The following NHS variants were observed in gnomAD, a reference collection of about 807,000 sequenced individuals.
The protein encoded by NHS is actin remodeling regulator NHS.
NHS carries 5 observed loss-of-function variants against 72.5 expected under a neutral mutation model. The observed-to-expected ratio is 0.07, with a 90% CI of 0.04 to 0.14. NHS has a LOEUF of 0.14. Among genes scored for constraint, NHS ranks in the 10% least tolerant of loss-of-function variants. NHS has a pLI of 1.00. For synonymous variants in NHS, 464 were observed against 547.7 expected (o/e 0.85, Z 2.13); for missense variants, 1,072 against 1,355.7 (o/e 0.79, Z 3.29).
chrX:17,427,404 T>A (rs1569251892), intron 1 of NHS, among the ~76,000 whole-genome samples: 1 of 112,448 alleles, frequency 8.9e-6, no homozygotes, highest in African/African-American at 3.2e-5. Flanking sequence ...AATGTACACA[T>A]TGACATGCAC....
At chrX:17,411,780 C>T (rs1197802347) in intron 1 of NHS, among the ~76,000 whole-genome samples, 2 of 111,780 alleles carry the variant, frequency 1.8e-5, no homozygotes, top group African/African-American at 6.5e-5. Context: ...TTTCCTTTTC[C>T]TGGCTCCCTA....
intron 1 of NHS, among the ~76,000 whole-genome samples, chrX:17,638,017 G>C (rs1343316313): frequency 8.9e-6 from 1 of 111,793 alleles, no homozygotes; most frequent in African/African-American, 3.3e-5. Flanking sequence ...GGCTCCTGTT[G>C]CGTCTAGCTT....
chrX:17,491,925 T>C (rs1225506217), intron 1 of NHS, among the ~76,000 whole-genome samples: 1 of 110,818 alleles, frequency 9.0e-6, no homozygotes, highest in Non-Finnish European at 1.9e-5. Context: ...TGCATAGAAG[T>C]GTTTGTAGTA....
chrX:17,581,597 C>A (rs1652773057), intron 1 of NHS, among the ~76,000 whole-genome samples: 1 of 111,873 alleles, frequency 8.9e-6, no homozygotes, highest in South Asian at 3.8e-4. Flanking sequence ...GCTAATAATT[C>A]CAACAGAGTA....
chrX:17,578,651 G>A lies in NHS; in HGVS notation c.566-109091G>A, dbSNP rs777761467. The stretch of plus-strand genomic sequence containing the variant: ...ACAGCCATTAGCAACAAGAAGTAAG[G>A]CTGGACTGTTTTCTCACATATGGCA... On this transcript the variant is annotated intron_variant, in intron 1 of 8. Transcript: ENST00000676302. Among the ~76,000 whole-genome samples, 5 of 112,102 alleles carry A rather than the reference G, an allele frequency of 4.5e-5. No homozygotes were observed. In the South Asian group the frequency reaches 1.9e-3, roughly 42 times the overall value.
intron 1 of NHS, chrX:17,586,480 C>G (rs1411922581): frequency 8.9e-6 from 1 of 112,581 alleles, no homozygotes; most frequent in Non-Finnish European, 1.9e-5. Flanking sequence ...GAAAATGTAG[C>G]TGGGAACCCA....
intron 1 of NHS, among the ~76,000 whole-genome samples, chrX:17,428,539 C>T (rs1475775763): frequency 9.0e-6 from 1 of 111,590 alleles, no homozygotes; most frequent in Non-Finnish European, 1.9e-5. Flanking sequence ...TGGGCAATTT[C>T]CCTTTCTTTA....
intron 1 of NHS, among the ~76,000 whole-genome samples, chrX:17,581,973 T>C (rs2065546346): frequency 8.9e-6 from 1 of 111,777 alleles, no homozygotes; most frequent in African/African-American, 3.3e-5. Flanking sequence ...AGTTGTGCCA[T>C]TGGCTCTGCT....
intron 1 of NHS, chrX:17,635,321 G>T: frequency 9.2e-7 from 1 of 1,085,917 alleles, no homozygotes; most frequent in Non-Finnish European, 1.2e-6. Flanking sequence ...GAACCCTGGA[G>T]GGATTAGCAG....
At chrX:17,652,323 A>G (rs1334340637) in intron 1 of NHS, among the ~76,000 whole-genome samples, 4 of 112,927 alleles carry the variant, frequency 3.5e-5, no homozygotes, top group Non-Finnish European at 1.9e-5. Flanking sequence ...TGCAATAGCC[A>G]AGATATGAAA....
At chrX:17,718,666 GAAAGGAAGAAGGAAAGCAA>G (rs1403908024) in intron 3 of NHS, among the ~76,000 whole-genome samples, 7 of 94,607 alleles carry the variant, frequency 7.4e-5, no homozygotes, top group Non-Finnish European at 1.5e-4. Context: ...AGGGAAGTAG[GAAAGGAAGAAGGAAAGCAA>G]AAAGGAAGAA....
intron 1 of NHS, among the ~76,000 whole-genome samples, chrX:17,397,141 A>G (rs1423358213): frequency 8.9e-6 from 1 of 112,882 alleles, no homozygotes; most frequent in Admixed American, 9.3e-5. Context: ...TAGAGCCAGT[A>G]CACTTCCCTA....
In NHS at chrX:17,726,635, G is replaced by A; in HGVS notation, c.2529G>A (p.Arg843=). Reference sequence around the variant, plus strand: ...AGGGAAGACCAAGCATCTCTTTCAGGAAACCAAAGGCAAAGCCGACCCCAC... The same window carrying A: ...AGGGAAGACCAAGCATCTCTTTCAGAAAACCAAAGGCAAAGCCGACCCCAC... ...KRQGRPSISF[R]KPKAKPTPPK... is the part of the protein sequence containing the mutation. The change falls in exon 7 of 9, where the codon AGG becomes AGA. Residue 843 remains arginine, a synonymous_variant. Coordinates refer to ENST00000676302, the MANE Select transcript of NHS (RefSeq NM_001291867.2). 8.3e-7 allele frequency: 1 copy of A among 1,211,733 alleles called. No individual in the cohort carries two copies. The highest frequency in any genetic ancestry group is 1.1e-6 in the Non-Finnish European group (1 of 895,565).
At chrX:17,385,604 A>T (rs1264426837) in intron 1 of NHS, among the ~76,000 whole-genome samples, 1 of 111,611 alleles carries the variant, frequency 9.0e-6, no homozygotes, top group Non-Finnish European at 1.9e-5. Context: ...GTGACATCTC[A>T]AATCATGAGA....
chrX:17,687,953 A>G, intron 2 of NHS, 59 bp downstream of exon 2: 1 of 1,146,113 alleles, frequency 8.7e-7, no homozygotes, highest in Non-Finnish European at 1.2e-6. Context: ...TGTCCCATCC[A>G]GGTGTCCTCT....
chrX:17,417,799 A>G (rs1287872487), intron 1 of NHS, among the ~76,000 whole-genome samples: 1 of 112,411 alleles, frequency 8.9e-6, no homozygotes, highest in East Asian at 2.8e-4. Flanking sequence ...AGATATCTGC[A>G]TATTCTGTAG....
chrX:17,607,015 G>A (rs2065683515), intron 1 of NHS, among the ~76,000 whole-genome samples: 1 of 112,194 alleles, frequency 8.9e-6, no homozygotes, highest in East Asian at 2.8e-4. Flanking sequence ...TAAATGACTT[G>A]TCCAGGGCCA....
chrX:17,394,891 A>G (rs2064465408), intron 1 of NHS, among the ~76,000 whole-genome samples: 2 of 111,569 alleles, frequency 1.8e-5, no homozygotes, highest in South Asian at 7.6e-4. Flanking sequence ...CTGCTAGTAC[A>G]ATGTCACGTT....
chrX:17,558,830 G>C (rs1310555897), intron 1 of NHS, among the ~76,000 whole-genome samples: 4 of 112,074 alleles, frequency 3.6e-5, no homozygotes, highest in African/African-American at 1.3e-4. Flanking sequence ...TGACAGTTTT[G>C]GGATGCCATG....
Sources: allele counts gnomAD v4.1 joint callset (sites outside exome capture counted in the v4.1 genomes callset), GRCh38; gene constraint gnomAD v4.1.1; transcripts MANE v1.5; gene names NCBI Gene and HGNC (gene_info 2026-07-23, HGNC 2026-07-21).